The following WDPCP variants were observed in gnomAD, a reference collection of about 807,000 sequenced individuals.
The protein encoded by WDPCP is WD repeat-containing and planar cell polarity effector protein fritz homolog.
A neutral mutation model predicts 93.1 loss-of-function variants in WDPCP; 71 were observed. The observed-to-expected ratio is 0.76, with a 90% CI of 0.63 to 0.93. The LOEUF (loss-of-function observed/expected upper bound fraction) is 0.93. WDPCP is among the 40% of genes least tolerant of loss of function. The probability of loss-of-function intolerance (pLI) is 0.00; values close to 1 mark genes in which losing one functional copy is unlikely to be tolerated. For synonymous variants in WDPCP, 315 were observed against 315.0 expected, an observed-to-expected ratio of 1.00 and a Z score of 0.00; for missense variants, 844 against 887.4, an observed-to-expected ratio of 0.95 and a Z score of 0.62.
chr2:63,666,129 A>G (rs908533022), intron 2 of WDPCP, among the ~76,000 whole-genome samples: 5 of 152,220 alleles, frequency 3.3e-5, no homozygotes, highest in Non-Finnish European at 7.3e-5. Flanking sequence ...GGACCTTTAC[A>G]TATATCCCTC....
intron 2 of WDPCP, among the ~76,000 whole-genome samples, chr2:63,682,105 A>T (rs975233146): frequency 1.3e-5 from 2 of 152,220 alleles, no homozygotes; most frequent in Non-Finnish European, 2.9e-5. Context: ...CAAAACAAAT[A>T]CCTAACTCTT....
intron 2 of WDPCP, among the ~76,000 whole-genome samples, chr2:63,674,614 G>C (rs545107793): frequency 6.6e-6 from 1 of 152,004 alleles, no homozygotes. Context: ...AAGTTCTAGA[G>C]ATCTGCTGTG....
intron 9 of WDPCP, among the ~76,000 whole-genome samples, chr2:63,428,442 G>A (rs1045475445): frequency 1.3e-5 from 2 of 152,066 alleles, no homozygotes; most frequent in African/African-American, 2.4e-5. Flanking sequence ...TACACAAATC[G>A]ATAAATGTGA....
At chr2:63,562,816 T>C (rs1157188906) in intron 1 of WDPCP, among the ~76,000 whole-genome samples, 2 of 152,140 alleles carry the variant, frequency 1.3e-5, no homozygotes, top group East Asian at 1.9e-4. Flanking sequence ...GCCACTGGAG[T>C]TCCTTCAAGC....
chr2:63,685,047 A>G (rs1385735224), intron 2 of WDPCP, among the ~76,000 whole-genome samples: 1 of 152,190 alleles, frequency 6.6e-6, no homozygotes, highest in Non-Finnish European at 1.5e-5. Context: ...ATAACAATGC[A>G]TCATAAAGAA....
chr2:63,582,339 C>T (rs1313849811), intron 1 of WDPCP, among the ~76,000 whole-genome samples: 2 of 151,958 alleles, frequency 1.3e-5, no homozygotes, highest in Admixed American at 6.6e-5. Context: ...CCTTGAAAAC[C>T]TAGCAACAGA....
intron 14 of WDPCP, 70 bp downstream of exon 14, chr2:63,259,237 A>G (rs1252684190): frequency 7.5e-7 from 1 of 1,333,290 alleles, no homozygotes; most frequent in Non-Finnish European, 1.1e-6. Context: ...CATGTCCTCC[A>G]AACATAAATA....
chr2:63,540,280 T>C (rs1467293385), intron 1 of WDPCP, among the ~76,000 whole-genome samples: 1 of 152,206 alleles, frequency 6.6e-6, no homozygotes, highest in African/African-American at 2.4e-5. Context: ...AGTCAGAGTA[T>C]AAACAATTAG....
At chr2:63,443,684 G>A (rs1302416790) in intron 6 of WDPCP, among the ~76,000 whole-genome samples, 1 of 152,160 alleles carries the variant, frequency 6.6e-6, no homozygotes, top group African/African-American at 2.4e-5. Flanking sequence ...CAAGAGTGAA[G>A]CAAGGAGACC....
intron 2 of WDPCP, among the ~76,000 whole-genome samples, chr2:63,795,375 AG>A (rs1230989692): frequency 1.3e-5 from 2 of 152,036 alleles, no homozygotes; most frequent in East Asian, 3.9e-4. Flanking sequence ...GGTAAGAATA[AG>A]AATGTTGAGC....
chr2:63,418,397 A>AAGAT (rs1000542984), intron 9 of WDPCP, among the ~76,000 whole-genome samples: 5 of 152,324 alleles, frequency 3.3e-5, no homozygotes, highest in Admixed American at 3.3e-4. Flanking sequence ...AGAATCCAAA[A>AAGAT]AGATAGGATA....
rs1669494707 is a variant in WDPCP, at chr2:63,120,583, A to G, written c.*1423T>C. ...ACTTTGTCACCCAGGCTGGAGCGTA[A>G]TGGTGCGACCTCAGCTCACTGCAGC... On this transcript the variant is annotated 3_prime_UTR_variant, in exon 18 of 18. Coordinates refer to ENST00000272321, the MANE Select transcript of WDPCP (RefSeq NM_015910.7). 6.9e-6 allele frequency among the ~76,000 whole-genome samples: 1 copy of G among 144,972 alleles called. No homozygotes were observed. Among genetic ancestry groups the G allele is most frequent in the Admixed American group, 7.1e-5 (1 of 14,142 alleles).
chr2:63,537,600 C>T (rs887006243), intron 1 of WDPCP, among the ~76,000 whole-genome samples: 16 of 152,226 alleles, frequency 1.1e-4, no homozygotes, highest in African/African-American at 3.4e-4. Flanking sequence ...TTTTACATAT[C>T]ATTTAATCTG....
intron 2 of WDPCP, among the ~76,000 whole-genome samples, chr2:63,734,782 A>T (rs1469386164): frequency 2.0e-5 from 3 of 152,036 alleles, no homozygotes; most frequent in African/African-American, 7.2e-5. Context: ...GCACCTTTTT[A>T]TTTTTTTTCT....
intron 2 of WDPCP, among the ~76,000 whole-genome samples, chr2:63,787,908 C>T (rs531120222): frequency 9.2e-5 from 14 of 151,954 alleles, no homozygotes; most frequent in African/African-American, 2.9e-4. Flanking sequence ...GGTGTGGTGG[C>T]GCACATCTGT....
intron 14 of WDPCP, among the ~76,000 whole-genome samples, chr2:63,247,988 T>G (rs992609192): frequency 2.0e-5 from 3 of 152,150 alleles, no homozygotes; most frequent in Non-Finnish European, 2.9e-5. Context: ...TACAACAATC[T>G]AATTTAAATT....
chr2:63,454,541 T>C (rs1389972848), intron 6 of WDPCP, among the ~76,000 whole-genome samples: 1 of 151,980 alleles, frequency 6.6e-6, no homozygotes, highest in Non-Finnish European at 1.5e-5. Flanking sequence ...AAATAAAGAA[T>C]GAGCAAAGTC....
intron 8 of WDPCP, 112 bp from the exon 9 acceptor site, chr2:63,434,048 C>T: frequency 9.7e-7 from 1 of 1,025,792 alleles, no homozygotes; most frequent in Non-Finnish European, 1.5e-6. Context: ...AGTAAATATG[C>T]ATGTTAAACA....
chr2:63,274,191 A>G (rs956000036), intron 13 of WDPCP, among the ~76,000 whole-genome samples: 5 of 152,192 alleles, frequency 3.3e-5, no homozygotes, highest in Admixed American at 1.3e-4. Flanking sequence ...CAATACCAAG[A>G]GGAACTATGG....
Sources: allele counts gnomAD v4.1 joint callset (sites outside exome capture counted in the v4.1 genomes callset), GRCh38; gene constraint gnomAD v4.1.1; transcripts MANE v1.5; gene names NCBI Gene and HGNC (gene_info 2026-07-23, HGNC 2026-07-21).